The following CELF5 variants were observed in gnomAD, a reference collection of about 807,000 sequenced individuals.
The protein encoded by CELF5 is CUG-BP and ETR-3 like factor 5.
In CELF5, 6 loss-of-function variants were observed where a neutral mutation model predicts 54.9. The ratio of observed to expected loss-of-function variants is 0.11; its 90% confidence interval spans 0.06 to 0.22. The LOEUF (loss-of-function observed/expected upper bound fraction) is 0.22. Among genes scored for constraint, CELF5 ranks in the 10% least tolerant of loss-of-function variants. The pLI, the probability that CELF5 is intolerant of heterozygous loss-of-function variation, is 1.00. For synonymous variants in CELF5, 271 were observed against 290.9 expected (o/e 0.93, Z 0.70); for missense variants, 401 against 678.6 (o/e 0.59, Z 4.54).
At chr19:3,251,120 T>C in intron 2 of CELF5, 53 bp downstream of exon 2, 8 of 1,336,258 alleles carry the variant, frequency 6.0e-6, no homozygotes, top group Middle Eastern at 1.8e-4. Context: ...GCTCTCAGCC[T>C]GGGGTGGGAG....
intron 2 of CELF5, among the ~76,000 whole-genome samples, chr19:3,266,796 C>A (rs1382243160): frequency 6.6e-6 from 1 of 151,676 alleles, no homozygotes; most frequent in African/African-American, 2.4e-5. Flanking sequence ...TGGTGAGGGG[C>A]GGATGGGGGC....
chr19:3,270,752 GC>G, intron 2 of CELF5: 1 of 152,150 alleles, frequency 6.6e-6, no homozygotes, highest in East Asian at 2.0e-4. Flanking sequence ...AGAGGAGGGG[GC>G]TACCCAACTG....
intron 1 of CELF5, among the ~76,000 whole-genome samples, chr19:3,225,931 C>T (rs1306881590): frequency 1.3e-5 from 2 of 152,188 alleles, no homozygotes; most frequent in Non-Finnish European, 2.9e-5. Context: ...GCGTGGGCGG[C>T]CTCAGGCCTG....
intron 2 of CELF5, 44 bp downstream of exon 2, chr19:3,251,111 C>A: frequency 1.4e-6 from 2 of 1,465,934 alleles, no homozygotes; most frequent in Non-Finnish European, 1.9e-6. Flanking sequence ...CAGGGGATGG[C>A]TCTCAGCCTG....
chr19:3,260,621 ATT>A (rs34244242), intron 2 of CELF5, among the ~76,000 whole-genome samples: 12 of 104,602 alleles, frequency 1.1e-4, no homozygotes, highest in Non-Finnish European at 5.7e-5. Flanking sequence ...CACCTGGCTA[ATT>A]TTTTTTTTTT....
chr19:3,225,907 G>C (rs761526976), intron 1 of CELF5, among the ~76,000 whole-genome samples: 4 of 152,192 alleles, frequency 2.6e-5, no homozygotes. Flanking sequence ...GGGTGGACAG[G>C]GAGGAGGAGG....
intron 2 of CELF5, among the ~76,000 whole-genome samples, chr19:3,255,373 G>A (rs1241580920): frequency 6.6e-5 from 10 of 152,096 alleles, no homozygotes; most frequent in South Asian, 2.1e-4. Context: ...TAGTAGAGTC[G>A]GGGTTTCACC....
chr19:3,292,770 C>T (rs1424720371), intron 11 of CELF5, among the ~76,000 whole-genome samples: 1 of 152,040 alleles, frequency 6.6e-6, no homozygotes, highest in Non-Finnish European at 1.5e-5. Context: ...GTGGTATGGG[C>T]CTGTGGTCCC....
At chr19:3,247,120 T>C (rs2079577870) in intron 1 of CELF5, among the ~76,000 whole-genome samples, 4 of 152,192 alleles carry the variant, frequency 2.6e-5, no homozygotes, top group South Asian at 2.1e-4. Context: ...GGCTTCATGG[T>C]GGCTGCCACT....
At chr19:3,284,832 C>T in intron 8 of CELF5, 70 bp from the exon 9 acceptor site, 2 of 1,373,030 alleles carry the variant, frequency 1.5e-6, no homozygotes, top group South Asian at 2.4e-5. Flanking sequence ...CCTTGCGGCT[C>T]TTAAGGATCG....
rs900612125 is a variant in CELF5, at chr19:3,228,918, G to C, written c.259+3920G>C. On this transcript the variant is annotated intron_variant, in intron 1 of 12. Transcript: ENST00000292672. This position sits in a 1 kb window ranked among gnomAD's most constrained non-coding sequence, Gnocchi z 6.0. ...TGTGTGTGTGTGTGTGTGTGTGTACGCGGGCGCGCGCCTGGGAAGGACTCC... is the reference window on the plus strand; with the variant it reads ...TGTGTGTGTGTGTGTGTGTGTGTACCCGGGCGCGCGCCTGGGAAGGACTCC... Among the ~76,000 whole-genome samples, 6 of 147,646 alleles carry C rather than the reference G, an allele frequency of 4.1e-5. No homozygotes were observed. The highest frequency in any genetic ancestry group is 1.5e-4 in the African/African-American group (6 of 40,358).
At chr19:3,289,397 C>T (rs1314434548) in intron 10 of CELF5, among the ~76,000 whole-genome samples, 1 of 152,102 alleles carries the variant, frequency 6.6e-6, no homozygotes, top group East Asian at 1.9e-4. Context: ...CAAAAATTAG[C>T]CAGGCTGGGT....
chr19:3,239,141 C>T (rs1185854480), intron 1 of CELF5, among the ~76,000 whole-genome samples: 1 of 151,892 alleles, frequency 6.6e-6, no homozygotes, highest in Non-Finnish European at 1.5e-5. Context: ...ACTTTGTCAC[C>T]CAGACTGGAG....
intron 2 of CELF5, among the ~76,000 whole-genome samples, chr19:3,256,073 A>AT (rs1213231188): frequency 2.0e-5 from 3 of 150,956 alleles, no homozygotes; most frequent in Non-Finnish European, 3.0e-5. Context: ...TCAAAAAAAA[A>AT]GGAAAGGTGC....
chr19:3,276,335 G>A (rs1177786195), intron 4 of CELF5, among the ~76,000 whole-genome samples: 3 of 150,848 alleles, frequency 2.0e-5, no homozygotes, highest in Admixed American at 2.0e-4. Flanking sequence ...GGGAGGAGCT[G>A]GCTCTGAGGA....
At chr19:3,237,128 C>T (rs1206773279) in intron 1 of CELF5, among the ~76,000 whole-genome samples, 9 of 150,558 alleles carry the variant, frequency 6.0e-5, no homozygotes, top group Non-Finnish European at 1.2e-4. Flanking sequence ...CTGGCTAACA[C>T]GGTGAAACCC....
chr19:3,224,767 C>G lies in CELF5; in HGVS notation c.28C>G (p.Arg10Gly). Residue 10 changes from arginine (R) to glycine (G), a missense_variant, in exon 1 of 13, where the codon CGC becomes GGC. By Grantham distance (125) the Arg-to-Gly change is moderately radical. Transcript: ENST00000292672. Reference protein sequence around the residue: MARLTESEARRQQQQLLQPR... With the variant: MARLTESEAGRQQQQLLQPR... The stretch of plus-strand genomic sequence containing the variant: ...GGCCCGCCTGACGGAGAGCGAGGCG[C>G]GCCGGCAGCAGCAGCAGCTCCTGCA... 1 of 1,437,820 alleles carries G rather than the reference C, an allele frequency of 7.0e-7. No individual in the cohort carries two copies. The highest frequency in any genetic ancestry group is 3.0e-5 in the East Asian group (1 of 33,038). The allele number at this position is 1,437,820 out of a possible 1,614,324, so 89.1% of individuals were successfully genotyped here.
chr19:3,270,409 G>A (rs1005931844), intron 2 of CELF5, among the ~76,000 whole-genome samples: 1 of 152,046 alleles, frequency 6.6e-6, no homozygotes, highest in African/African-American at 2.4e-5. Context: ...GAGGGAGCCG[G>A]GAGGAGGTGG....
At chr19:3,232,567 A>C (rs1440375039) in intron 1 of CELF5, among the ~76,000 whole-genome samples, 1 of 152,120 alleles carries the variant, frequency 6.6e-6, no homozygotes. Context: ...AAGAAAAAAA[A>C]AAATGTGGTG....
Sources: allele counts gnomAD v4.1 joint callset (sites outside exome capture counted in the v4.1 genomes callset), GRCh38; gene constraint gnomAD v4.1.1; non-coding constraint Gnocchi (gnomAD v3.1); transcripts MANE v1.5; gene names NCBI Gene and HGNC (gene_info 2026-07-23, HGNC 2026-07-21).